The following TSPAN33 variants were observed in gnomAD, a reference collection of about 807,000 sequenced individuals.
TSPAN33 encodes tetraspanin 33.
A neutral mutation model predicts 34.8 loss-of-function variants in TSPAN33; 27 were observed. The observed-to-expected ratio is 0.78, with a 90% CI of 0.57 to 1.07. The LOEUF (loss-of-function observed/expected upper bound fraction) is 1.07, where lower values mean the gene tolerates loss of function less well. Ranked by LOEUF, TSPAN33 falls within the 50% of genes least tolerant of loss-of-function variation. The probability of loss-of-function intolerance (pLI) is 0.00; values close to 1 mark genes in which losing one functional copy is unlikely to be tolerated. For synonymous variants in TSPAN33, 119 were observed against 124.2 expected (o/e 0.96, Z 0.28); for missense variants, 272 against 324.9 (o/e 0.84, Z 1.25).
chr7:129,153,469 A>C (rs1810628004), intron 1 of TSPAN33, among the ~76,000 whole-genome samples: 1 of 152,236 alleles, frequency 6.6e-6, no homozygotes, highest in Admixed American at 6.5e-5. Context: ...AGAAAATTAA[A>C]GAGAAAAGAA....
chr7:129,151,172 G>T (rs1810588381), intron 1 of TSPAN33, among the ~76,000 whole-genome samples: 6 of 152,064 alleles, frequency 3.9e-5, no homozygotes, highest in Admixed American at 3.9e-4. Flanking sequence ...TTTGACCCAG[G>T]CTGGAGTGCA....
At chr7:129,162,962 G>C (rs1236072145) in intron 4 of TSPAN33, 55 bp downstream of exon 4, 1 of 1,539,328 alleles carries the variant, frequency 6.5e-7, no homozygotes, top group Non-Finnish European at 8.9e-7. Context: ...GAGGAAGGAA[G>C]GTTCCTGCCC....
chr7:129,165,116 T>C lies in TSPAN33; in HGVS notation c.459+547T>C, dbSNP rs1189065851. On this transcript the variant is annotated intron_variant, in intron 5 of 7. Transcript: ENST00000486685. This position sits in a 1 kb window ranked among gnomAD's most constrained non-coding sequence, Gnocchi z 4.5. ...CGCTCATCTGCCCCAGATGAAACTC[T>C]GTATCCATCAAACACTAACTCCCCA... Among the ~76,000 whole-genome samples the C allele has an allele frequency of 6.6e-6, 1 of 152,194 alleles. No homozygotes were observed. The highest frequency in any genetic ancestry group is 2.4e-5 in the African/African-American group (1 of 41,436).
intron 1 of TSPAN33, 37 bp downstream of exon 1, chr7:129,145,119 T>TC: frequency 7.7e-6 from 5 of 647,290 alleles, no homozygotes; most frequent in Admixed American, 2.4e-5. Context: ...GGCGGCGGGG[T>TC]CCCCCCGCGG....
At chr7:129,152,290 A>T (rs1045630581) in intron 1 of TSPAN33, among the ~76,000 whole-genome samples, 1 of 152,254 alleles carries the variant, frequency 6.6e-6, no homozygotes, top group South Asian at 2.1e-4. Context: ...GTTCATAGCA[A>T]TACTATCCAC....
rs1383075187 is a variant in TSPAN33 at position 129,144,777 on chromosome 7, G to A, written c.-204G>A. On this transcript the variant is annotated 5_prime_UTR_variant, in exon 1 of 8. Coordinates refer to ENST00000486685, the MANE Select transcript of TSPAN33 (RefSeq NM_178562.5). Reference sequence around the variant, plus strand: ...CTCGTCCGCTCGCGCTGCCCACCGCGGCTCCAGCAGCTCCAGGCGCGGTTC... The same window carrying A: ...CTCGTCCGCTCGCGCTGCCCACCGCAGCTCCAGCAGCTCCAGGCGCGGTTC... 20 of 149,194 alleles carry A rather than the reference G, an allele frequency of 1.3e-4. No homozygotes were observed. The highest frequency in any genetic ancestry group is 3.0e-4 in the Non-Finnish European group (20 of 67,060). 9.2% of individuals were successfully genotyped at this position (149,194 alleles called of 1,614,324 possible).
chr7:129,158,518 T>C (rs1792995359), intron 1 of TSPAN33, among the ~76,000 whole-genome samples: 1 of 152,154 alleles, frequency 6.6e-6, no homozygotes, highest in East Asian at 1.9e-4. Flanking sequence ...TAAGCATAAG[T>C]AGTTTTCCGT....
At position 129,167,948 on chromosome 7, in the gene TSPAN33, G is replaced by C; in HGVS notation, c.*74G>C. On this transcript the variant is annotated 3_prime_UTR_variant, in exon 8 of 8. Transcript: ENST00000486685. The surrounding 1 kb of genome is among the most constrained non-coding windows in gnomAD (Gnocchi z 4.6). ...CGAACAGCAGTGGGTGCTGAAAGCAGCACCAAATGGAGATTTGGATTCCAG... is the reference window on the plus strand; with the variant it reads ...CGAACAGCAGTGGGTGCTGAAAGCACCACCAAATGGAGATTTGGATTCCAG... 1 of 1,551,676 alleles carries C rather than the reference G, an allele frequency of 6.4e-7. No homozygotes were observed. The highest frequency in any genetic ancestry group is 1.2e-5 in the South Asian group (1 of 83,004).
rs1251539892 is a variant in TSPAN33, at chr7:129,165,779, G to T, written c.460-999G>T. ...ACAAAAATTAGCCGGGTTTGGTGGC[G>T]CACACCTGTAGTCCCAGCTACTCAG... On this transcript the variant is annotated intron_variant, in intron 5 of 7. Coordinates refer to ENST00000486685, the MANE Select transcript of TSPAN33 (RefSeq NM_178562.5). The surrounding 1 kb of genome is among the most constrained non-coding windows in gnomAD (Gnocchi z 4.5). 6.6e-6 allele frequency among the ~76,000 whole-genome samples: 1 copy of T among 152,056 alleles called. No individual in the cohort carries two copies. Among genetic ancestry groups the T allele is most frequent in the South Asian group, 2.1e-4 (1 of 4,822 alleles).
Position 129,167,661 on chromosome 7 carries a change from A to T in TSPAN33, c.750+101A>T. On this transcript the variant is annotated intron_variant, in intron 7 of 7. Coordinates refer to ENST00000486685, the MANE Select transcript of TSPAN33 (RefSeq NM_178562.5). The surrounding 1 kb of genome is among the most constrained non-coding windows in gnomAD (Gnocchi z 4.6). ...ATCAGCGAGGGTGTCAGGCACTGAC[A>T]TGGCTGAGGGGTAGGGAAAGGGATA... The T allele has an allele frequency of 6.4e-7, 1 of 1,559,374 alleles. No homozygotes were observed. Among genetic ancestry groups the T allele is most frequent in the South Asian group, 1.1e-5 (1 of 87,036 alleles).
chr7:129,158,849 C>A (rs1312774334), intron 1 of TSPAN33, among the ~76,000 whole-genome samples: 1 of 152,078 alleles, frequency 6.6e-6, no homozygotes, highest in African/African-American at 2.4e-5. Flanking sequence ...CTCCCGGGTT[C>A]AAGTGATTCT....
intron 1 of TSPAN33, among the ~76,000 whole-genome samples, chr7:129,156,178 T>C (rs1428034313): frequency 3.3e-5 from 5 of 152,246 alleles, no homozygotes; most frequent in Non-Finnish European, 7.3e-5. Flanking sequence ...ACTTGCCTGC[T>C]GTTTTACTCA....
In TSPAN33 at chr7:129,144,736, G is replaced by T. The variant is rs1810491782; in HGVS notation, c.-245G>T. ...GCGCCTGGCTGGCCGGGCTGGTCCT[G>T]CGGCCGCGGGTGAGTCTCGTCCGCT... On this transcript the variant is annotated 5_prime_UTR_variant, in exon 1 of 8. Coordinates refer to ENST00000486685, the MANE Select transcript of TSPAN33 (RefSeq NM_178562.5). Among the ~76,000 whole-genome samples, 1 of 151,732 alleles carries T rather than the reference G, an allele frequency of 6.6e-6. No individual in the cohort carries two copies. The highest frequency in any genetic ancestry group is 1.5e-5 in the Non-Finnish European group (1 of 67,876).
At chr7:129,161,610 T>C in intron 1 of TSPAN33, 69 bp from the exon 2 acceptor site, 1 of 1,502,970 alleles carries the variant, frequency 6.7e-7, no homozygotes, top group Non-Finnish European at 9.3e-7. Context: ...CTCTCCTAGG[T>C]TTCTCATGGC....
intron 1 of TSPAN33, among the ~76,000 whole-genome samples, chr7:129,153,839 G>A (rs1007439440): frequency 6.6e-6 from 1 of 152,126 alleles, no homozygotes; most frequent in African/African-American, 2.4e-5. Flanking sequence ...TACTCAGGAG[G>A]CTGAGGCAGG....
chr7:129,167,565 C>T lies in TSPAN33; in HGVS notation c.750+5C>T, dbSNP rs1328421116. On this transcript the variant is annotated splice_donor_5th_base_variant and intron_variant, in intron 7 of 7. Transcript: ENST00000486685. The surrounding 1 kb of genome is among the most constrained non-coding windows in gnomAD (Gnocchi z 4.6). ...CTAGGCCTGGCCATCCCCCAGGTAA[C>T]TTACCCTGTGAGACTTGTTGGTCCC... 1 of 1,613,016 alleles carries T rather than the reference C, an allele frequency of 6.2e-7. No individual in the cohort carries two copies. Among genetic ancestry groups the T allele is most frequent in the South Asian group, 1.1e-5 (1 of 90,958 alleles).
rs1793202327 is a variant in TSPAN33 at position 129,169,583 on chromosome 7, C to A, written c.*1709C>A. On this transcript the variant is annotated 3_prime_UTR_variant, in exon 8 of 8. Coordinates refer to ENST00000486685, the MANE Select transcript of TSPAN33 (RefSeq NM_178562.5). ...TGCCCCCAGTGTCTCCTAAGCGAGC[C>A]TTCTGCTCCTAGGAAGGCGCCTTTC... The A allele has an allele frequency of 6.6e-6, 1 of 152,224 alleles. No homozygotes were observed. Among genetic ancestry groups the A allele is most frequent in the African/African-American group, 2.4e-5 (1 of 41,460 alleles). The allele number at this position is 152,224 out of a possible 1,614,324, so 9.4% of individuals were successfully genotyped here. A position where few individuals can be genotyped will look rare whatever the true frequency, so the allele number is the denominator to read the frequency against.
At chr7:129,162,812 C>T (rs1294926731) in intron 3 of TSPAN33, 21 bp from the exon 4 acceptor site, 5 of 1,613,006 alleles carry the variant, frequency 3.1e-6, no homozygotes, top group Non-Finnish European at 4.2e-6. Flanking sequence ...CTAGACGCCT[C>T]TTCTTCCTGC....
At chr7:129,158,669 G>A (rs546773901) in intron 1 of TSPAN33, among the ~76,000 whole-genome samples, 29 of 152,296 alleles carry the variant, frequency 1.9e-4, no homozygotes, top group African/African-American at 7.0e-4. Context: ...GCCTCCAGCT[G>A]TATCCATGTT....
Sources: allele counts gnomAD v4.1 joint callset (sites outside exome capture counted in the v4.1 genomes callset), GRCh38; gene constraint gnomAD v4.1.1; non-coding constraint Gnocchi (gnomAD v3.1); transcripts MANE v1.5; gene names NCBI Gene and HGNC (gene_info 2026-07-23, HGNC 2026-07-21).